Variants in CTNNA3 observed in about 807,000 individuals in gnomAD.
The protein encoded by CTNNA3 is catenin alpha-3.
Under a neutral mutation model 95.7 loss-of-function variants are expected in CTNNA3, and 76 were observed. That is an observed-to-expected ratio of 0.79 (90% confidence interval 0.66 to 0.96). The LOEUF is 0.96. Ranked by LOEUF, CTNNA3 falls within the 40% of genes least tolerant of loss-of-function variation. The pLI is 0.00. For synonymous variants in CTNNA3, 431 were observed against 374.4 expected (o/e 1.15, Z -1.74); for missense variants, 1,191 against 1,089.8 (o/e 1.09, Z -1.31).
intron 1 of CTNNA3, among the ~76,000 whole-genome samples, chr10:67,706,818 A>C (rs1159490111): frequency 6.6e-6 from 1 of 152,170 alleles, no homozygotes; most frequent in Non-Finnish European, 1.5e-5. Context: ...CCAACTTTGT[A>C]TCCTAGTCCA....
intron 5 of CTNNA3, among the ~76,000 whole-genome samples, chr10:67,254,453 G>T (rs183068560): frequency 6.6e-6 from 1 of 152,236 alleles, no homozygotes; most frequent in Non-Finnish European, 1.5e-5. Flanking sequence ...AAACACAGAA[G>T]GATCATAACT....
At chr10:66,685,325 G>GTGTATATATA (rs1361815002) in intron 9 of CTNNA3, among the ~76,000 whole-genome samples, 3 of 30,006 alleles carry the variant, frequency 1.0e-4, no homozygotes, top group African/African-American at 4.3e-4. Context: ...GTGTATGTGT[G>GTGTATATATA]TATATATATA....
At chr10:67,264,303 T>C (rs1866732027) in intron 5 of CTNNA3, among the ~76,000 whole-genome samples, 1 of 152,148 alleles carries the variant, frequency 6.6e-6, no homozygotes, top group Admixed American at 6.6e-5. Context: ...AAGTCATTGT[T>C]GTTTGTGCCT....
intron 6 of CTNNA3, among the ~76,000 whole-genome samples, chr10:67,217,802 A>G (rs1364632835): frequency 6.7e-6 from 1 of 150,260 alleles, no homozygotes; most frequent in East Asian, 1.9e-4. Flanking sequence ...ACTGTGAAAA[A>G]TGTGCTATAC....
chr10:67,185,198 G>A (rs556745760), intron 6 of CTNNA3, among the ~76,000 whole-genome samples: 11 of 151,652 alleles, frequency 7.3e-5, no homozygotes, highest in East Asian at 1.9e-4. Flanking sequence ...GCGCGATCTC[G>A]GCTCACTGCA....
intron 5 of CTNNA3, among the ~76,000 whole-genome samples, chr10:67,375,386 A>C (rs1589228876): frequency 6.6e-6 from 1 of 152,174 alleles, no homozygotes; most frequent in Non-Finnish European, 1.5e-5. Context: ...TGGACAGATC[A>C]CCTGAGGTCA....
chr10:67,337,417 C>G (rs1436544327), intron 5 of CTNNA3, among the ~76,000 whole-genome samples: 1 of 152,084 alleles, frequency 6.6e-6, no homozygotes, highest in Non-Finnish European at 1.5e-5. Context: ...ACTGGGTGTG[C>G]CAAGAAAGTA....
At chr10:67,321,108 A>G (rs1038348644) in intron 5 of CTNNA3, among the ~76,000 whole-genome samples, 3 of 152,214 alleles carry the variant, frequency 2.0e-5, no homozygotes, top group East Asian at 3.8e-4. Flanking sequence ...CACTAACTGC[A>G]CTTAACATAT....
At chr10:66,384,532 T>C (rs945380234) in intron 11 of CTNNA3, among the ~76,000 whole-genome samples, 3 of 152,102 alleles carry the variant, frequency 2.0e-5, no homozygotes, top group African/African-American at 7.2e-5. Context: ...CACAGATCAA[T>C]GAGACAGAAG....
chr10:66,194,646 A>C (rs887846469), intron 13 of CTNNA3, among the ~76,000 whole-genome samples: 19 of 152,300 alleles, frequency 1.2e-4, no homozygotes, highest in African/African-American at 4.1e-4. Context: ...ACATTACAAG[A>C]ATTTAAAACA....
intron 1 of CTNNA3, among the ~76,000 whole-genome samples, chr10:67,715,887 A>T (rs1169533629): frequency 1.3e-5 from 2 of 152,244 alleles, no homozygotes; most frequent in East Asian, 1.9e-4. Flanking sequence ...TATTTTTTTT[A>T]AATGCAGATT....
At chr10:67,125,271 G>T (rs1350107386) in intron 7 of CTNNA3, among the ~76,000 whole-genome samples, 1 of 152,136 alleles carries the variant, frequency 6.6e-6, no homozygotes, top group African/African-American at 2.4e-5. Context: ...TCCCAGTGAT[G>T]ATGAATAAAA....
chr10:67,118,406 A>T (rs1859294917), intron 7 of CTNNA3, among the ~76,000 whole-genome samples: 1 of 151,950 alleles, frequency 6.6e-6, no homozygotes, highest in Non-Finnish European at 1.5e-5. Context: ...ACTTACAAGG[A>T]CATGCCCTTC....
intron 12 of CTNNA3, among the ~76,000 whole-genome samples, chr10:66,343,727 A>G (rs1486736172): frequency 6.6e-6 from 1 of 152,056 alleles, no homozygotes; most frequent in Admixed American, 6.6e-5. Flanking sequence ...TGGATATTTA[A>G]TGTTCCCAAC....
intron 9 of CTNNA3, among the ~76,000 whole-genome samples, chr10:66,658,226 T>TTCTCTC (rs10659165): frequency 6.0e-5 from 9 of 148,876 alleles, no homozygotes; most frequent in Admixed American, 4.0e-4. Context: ...CTCTCTCTCT[T>TTCTCTC]TCTCTCTCTC....
At chr10:66,384,384 C>A (rs1434421884) in intron 11 of CTNNA3, among the ~76,000 whole-genome samples, 1 of 152,122 alleles carries the variant, frequency 6.6e-6, no homozygotes, top group Non-Finnish European at 1.5e-5. Flanking sequence ...ATCAATTCAA[C>A]AAGAAGAGCT....
chr10:67,375,475 T>A (rs562009743), intron 5 of CTNNA3, among the ~76,000 whole-genome samples: 1 of 152,106 alleles, frequency 6.6e-6, no homozygotes, highest in Admixed American at 6.5e-5. Flanking sequence ...TAGCTGGGCG[T>A]GATGGCATGT....
intron 10 of CTNNA3, among the ~76,000 whole-genome samples, chr10:66,546,157 T>G (rs1284555632): frequency 6.6e-6 from 1 of 151,938 alleles, no homozygotes; most frequent in Non-Finnish European, 1.5e-5. Context: ...CTATTAAAAC[T>G]TTTTCATATC....
At chr10:67,329,243 T>C (rs966313453) in intron 5 of CTNNA3, among the ~76,000 whole-genome samples, 2 of 152,160 alleles carry the variant, frequency 1.3e-5, no homozygotes, top group Non-Finnish European at 2.9e-5. Context: ...TAGTGATGCA[T>C]GCCTGTAGTC....
Sources: gnomAD v4.1 joint callset for allele counts (sites outside exome capture counted in the v4.1 genomes callset) on GRCh38, gnomAD v4.1.1 for gene constraint, MANE v1.5 for transcripts, NCBI Gene and HGNC (gene_info 2026-07-23, HGNC 2026-07-21) for gene names.